The following GNPTAB variants were observed in gnomAD, a reference collection of about 807,000 sequenced individuals.
GNPTAB encodes the protein N-acetylglucosamine-1-phosphate transferase subunits alpha and beta, also known as N-acetylglucosamine-1-phosphotransferase subunits alpha/beta.
GNPTAB carries 92 observed loss-of-function variants against 136.6 expected under a neutral mutation model. The observed-to-expected ratio is 0.67, with a 90% CI of 0.57 to 0.80. The LOEUF is 0.80. Among genes scored for constraint, GNPTAB ranks in the 30% least tolerant of loss-of-function variants. The pLI is 0.00. For missense variants in GNPTAB, 1,343 were observed against 1,501.8 expected (o/e 0.89, Z 1.75); for synonymous variants, 512 against 535.1 (o/e 0.96, Z 0.60).
chr12:101,793,428 TTTATA>T lies in GNPTAB; in HGVS notation c.203+3244_203+3248del, dbSNP rs138525189. 5.8e-3 allele frequency among the ~76,000 whole-genome samples: 887 copies of T among 152,292 alleles called. 11 individuals carry two copies. Among genetic ancestry groups the T allele is most frequent in the African/African-American group, 0.02 (833 of 41,566 alleles). On this transcript the variant is annotated intron_variant, in intron 2 of 20. Coordinates refer to ENST00000299314, the MANE Select transcript of GNPTAB (RefSeq NM_024312.5). The stretch of plus-strand genomic sequence containing the variant: ...GCTACTAAATATTTTTAATATATCA[TTTATA>T]TTATATTATTTAGCTGATTAAAACA...
intron 1 of GNPTAB, among the ~76,000 whole-genome samples, chr12:101,822,946 C>A (rs1188576675): frequency 2.6e-5 from 4 of 152,206 alleles, no homozygotes; most frequent in Non-Finnish European, 4.4e-5. Context: ...CATAAAGGAA[C>A]CTACCCCTAC....
rs61745799 is a variant in GNPTAB at position 101,765,291 on chromosome 12, T to C, written c.1626A>G (p.Glu542=). Residue 542 remains glutamate, a synonymous_variant, in exon 13 of 21, where the codon GAA becomes GAG. Transcript: ENST00000299314. The part of the protein sequence containing the change: ...AGDCGQDHFH[E]LYKVILLPNQ... ...TTGGGAGAAGGATCACTTTATACAA[T>C]TCATGAAAATGATCTAGAGGAAAAA... 7.8e-4 allele frequency: 1,251 copies of C among 1,607,726 alleles called. 12 individuals carry two copies. In the African/African-American group the frequency reaches 0.015, roughly 19 times the overall value.
intron 1 of GNPTAB, among the ~76,000 whole-genome samples, chr12:101,818,753 T>C (rs1247145754): frequency 6.6e-6 from 1 of 152,172 alleles, no homozygotes; most frequent in Non-Finnish European, 1.5e-5. Context: ...TCATTTTGAA[T>C]TGTAGCTCCC....
chr12:101,810,768 A>C (rs1341044386), intron 1 of GNPTAB: 1 of 152,058 alleles, frequency 6.6e-6, no homozygotes, highest in East Asian at 1.9e-4. Context: ...GGAATGTGAT[A>C]AAGAAGGACT....
At chr12:101,828,090 T>A (rs1871193133) in intron 1 of GNPTAB, among the ~76,000 whole-genome samples, 1 of 152,196 alleles carries the variant, frequency 6.6e-6, no homozygotes, top group South Asian at 2.1e-4. Flanking sequence ...ATCAAAGTAT[T>A]CTGATTCAAG....
intron 1 of GNPTAB, among the ~76,000 whole-genome samples, chr12:101,808,984 A>C (rs190876264): frequency 1.4e-3 from 208 of 152,362 alleles, no homozygotes; most frequent in Non-Finnish European, 2.2e-3. Context: ...AGACACTGTT[A>C]AAAGAATAAA....
intron 16 of GNPTAB, among the ~76,000 whole-genome samples, chr12:101,759,349 C>G (rs562779882): frequency 9.4e-5 from 11 of 116,666 alleles, no homozygotes; most frequent in African/African-American, 3.7e-4. Context: ...GGTGAAAGAG[C>G]GAGACTCCGT....
At chr12:101,787,325 T>A (rs536932966) in intron 4 of GNPTAB, among the ~76,000 whole-genome samples, 2 of 152,314 alleles carry the variant, frequency 1.3e-5, no homozygotes, top group South Asian at 4.1e-4. Context: ...AGCATGAAGA[T>A]AATGCATCAA....
At position 101,749,142 on chromosome 12, in the gene GNPTAB, T is replaced by C; in HGVS notation, c.3652A>G (p.Thr1218Ala). The C allele has an allele frequency of 6.2e-7, 1 of 1,612,762 alleles. No individual in the cohort carries two copies. ...GAGAATATAGTAAACATAATCAATG[T>C]TGCTAGTACACAATGGGTCCAAAAC... ...LKFWTHCVLATLIMFTIFSFF... is the reference protein window; with the variant it reads ...LKFWTHCVLAALIMFTIFSFF... The change falls in exon 20 of 21, where the codon ACA becomes GCA. Residue 1218 changes from threonine to alanine, a missense_variant. Thr to Ala is a moderately conservative substitution (Grantham distance 58, BLOSUM62 0). Transcript: ENST00000299314.
At position 101,765,046 on chromosome 12, in the gene GNPTAB, T is replaced by A. The variant is rs1344133366; in HGVS notation, c.1871A>T (p.Glu624Val). ...NLTFQNTNDE[E>V]FKMQITVEVD... The stretch of plus-strand genomic sequence containing the variant: ...CTCCACTGTTATCTGCATTTTGAAC[T>A]CTTCATCGTTTGTATTTTGAAACGT... The change falls in exon 13 of 21, where the codon GAG (glutamate) becomes GTG (valine). Residue 624 changes from glutamate to valine, a missense_variant. Glu to Val is a moderately radical substitution (Grantham distance 121, BLOSUM62 -2). Transcript: ENST00000299314. The A allele has an allele frequency of 6.2e-7, 1 of 1,614,050 alleles. No individual in the cohort carries two copies. Among genetic ancestry groups the A allele is most frequent in the Admixed American group, 1.7e-5 (1 of 60,008 alleles).
At chr12:101,770,262 A>T (rs1953151472) in intron 9 of GNPTAB, 71 bp from the exon 10 acceptor site, 1 of 1,508,596 alleles carries the variant, frequency 6.6e-7, no homozygotes, top group Admixed American at 1.7e-5. Flanking sequence ...TTTTGAAAGG[A>T]AGGAAGGGAA....
chr12:101,802,389 T>C (rs568744301), intron 1 of GNPTAB, among the ~76,000 whole-genome samples: 6 of 152,184 alleles, frequency 3.9e-5, no homozygotes, highest in African/African-American at 1.4e-4. Context: ...AATTTGCTGA[T>C]TAATTGGACA....
intron 1 of GNPTAB, among the ~76,000 whole-genome samples, chr12:101,808,739 G>A (rs1426070774): frequency 2.0e-5 from 3 of 152,184 alleles, no homozygotes; most frequent in Admixed American, 1.3e-4. Context: ...CTGAGGTCGG[G>A]AGTTCGAGAC....
intron 1 of GNPTAB, among the ~76,000 whole-genome samples, chr12:101,805,459 T>TTCAC: frequency 6.6e-6 from 1 of 152,156 alleles, no homozygotes; most frequent in Non-Finnish European, 1.5e-5. Flanking sequence ...GTCATCAAGG[T>TTCAC]TCACTGCAGC....
chr12:101,824,405 CATATAT>C lies in GNPTAB; in HGVS notation c.117+6148_117+6153del, dbSNP rs373112951. Among the ~76,000 whole-genome samples the C allele has an allele frequency of 4.5e-3, 213 of 47,808 alleles. 2 individuals are homozygous for C. The East Asian group carries it at 0.049, about 11-fold the overall frequency. 31.4% of individuals were successfully genotyped at this position (47,808 alleles called of 152,430 possible). A position where few individuals can be genotyped will look rare whatever the true frequency, so the allele number is the denominator to read the frequency against. On this transcript the variant is annotated intron_variant, in intron 1 of 20. Transcript: ENST00000299314. The stretch of plus-strand genomic sequence containing the variant: ...GATCCACTCCTGCCAGAAATTTCAC[CATATAT>C]ATATATATATATATATATATATTTT...
At chr12:101,761,422 T>TAC in intron 14 of GNPTAB, 76 bp from the exon 15 acceptor site, 1 of 1,482,058 alleles carries the variant, frequency 6.7e-7, no homozygotes, top group East Asian at 2.3e-5. Context: ...GAGATGGACT[T>TAC]TTTTCTTTCT....
chr12:101,801,120 C>CTACTCAGA (rs542223008), intron 1 of GNPTAB, among the ~76,000 whole-genome samples: 3 of 150,010 alleles, frequency 2.0e-5, no homozygotes, highest in African/African-American at 7.3e-5. Flanking sequence ...GTAGACCCAG[C>CTACTCAGA]TACTCAGAGG....
intron 2 of GNPTAB, among the ~76,000 whole-genome samples, chr12:101,792,286 G>A (rs7961009): frequency 0.09 from 13,704 of 152,230 alleles, 679 homozygotes; most frequent in Middle Eastern, 0.18. Context: ...ACCCAGAGGC[G>A]AGTTCCCTGA....
At chr12:101,785,550 C>G (rs1868594585) in intron 5 of GNPTAB, 1 of 174,936 alleles carries the variant, frequency 5.7e-6, no homozygotes. Context: ...CTAATCCCAT[C>G]AAAGGCTCCA....
Sources: allele counts gnomAD v4.1 joint callset (sites outside exome capture counted in the v4.1 genomes callset), GRCh38; gene constraint gnomAD v4.1.1; transcripts MANE v1.5; gene names NCBI Gene and HGNC (gene_info 2026-07-23, HGNC 2026-07-21).